The following BRMS1L variants were observed in gnomAD, a reference collection of about 807,000 sequenced individuals.
The protein encoded by BRMS1L is breast cancer metastasis-suppressor 1-like protein.
In BRMS1L, 23 loss-of-function variants were observed where a neutral mutation model predicts 50.3. The observed-to-expected ratio is 0.46, with a 90% CI of 0.33 to 0.65. The LOEUF is 0.65. BRMS1L is among the 30% of genes least tolerant of loss of function. The pLI, the probability that BRMS1L is intolerant of heterozygous loss-of-function variation, is 0.02. For missense variants in BRMS1L, 286 were observed against 386.1 expected, an observed-to-expected ratio of 0.74 and a Z score of 2.17; for synonymous variants, 114 against 126.9, an observed-to-expected ratio of 0.90 and a Z score of 0.69.
chr14:35,830,067 T>A (rs899050997), intron 1 of BRMS1L, among the ~76,000 whole-genome samples: 1 of 152,200 alleles, frequency 6.6e-6, no homozygotes, highest in African/African-American at 2.4e-5. Context: ...TTTTTCTTTT[T>A]CTTTTTTTTT....
chr14:35,848,827 A>G (rs766293863), intron 4 of BRMS1L, among the ~76,000 whole-genome samples: 1 of 152,114 alleles, frequency 6.6e-6, no homozygotes, highest in Non-Finnish European at 1.5e-5. Flanking sequence ...TTGTGTGTAT[A>G]TATATCAATT....
At chr14:35,858,075 C>T (rs1307086474) in intron 4 of BRMS1L, among the ~76,000 whole-genome samples, 1 of 151,352 alleles carries the variant, frequency 6.6e-6, no homozygotes, top group Non-Finnish European at 1.5e-5. Flanking sequence ...GATTTAAACT[C>T]CTGTCCAGTA....
intron 3 of BRMS1L, among the ~76,000 whole-genome samples, chr14:35,834,150 A>G (rs2077962265): frequency 6.6e-6 from 1 of 152,158 alleles, no homozygotes; most frequent in Non-Finnish European, 1.5e-5. Context: ...ATACAAAGAG[A>G]GATAATTACA....
chr14:35,835,712 G>T (rs2077983075), intron 4 of BRMS1L, among the ~76,000 whole-genome samples: 1 of 152,108 alleles, frequency 6.6e-6, no homozygotes, highest in Non-Finnish European at 1.5e-5. Context: ...GGGCATGGTG[G>T]CAGGTGGCTG....
chr14:35,856,614 G>GC, intron 4 of BRMS1L, among the ~76,000 whole-genome samples: 1 of 151,542 alleles, frequency 6.6e-6, no homozygotes, highest in African/African-American at 2.4e-5. Context: ...ATTTTTTTGG[G>GC]GGGGGGTTTG....
At chr14:35,865,369 C>T (rs1040638612) in intron 7 of BRMS1L, among the ~76,000 whole-genome samples, 2 of 152,152 alleles carry the variant, frequency 1.3e-5, no homozygotes, top group Non-Finnish European at 2.9e-5. Context: ...AACATTTGAA[C>T]CCTTATGTGT....
chr14:35,848,545 G>A (rs1447665136), intron 4 of BRMS1L, among the ~76,000 whole-genome samples: 1 of 152,022 alleles, frequency 6.6e-6, no homozygotes, highest in Non-Finnish European at 1.5e-5. Context: ...CTGCACAGTA[G>A]ATCTCCAGAG....
intron 4 of BRMS1L, among the ~76,000 whole-genome samples, chr14:35,853,585 GA>G (rs75689401): frequency 8.1e-4 from 112 of 138,226 alleles, no homozygotes; most frequent in African/African-American, 9.0e-4. Flanking sequence ...GGCTAATTAA[GA>G]AAAAAAAAAA....
At chr14:35,867,020 A>C (rs188324898) in intron 8 of BRMS1L, among the ~76,000 whole-genome samples, 9 of 152,236 alleles carry the variant, frequency 5.9e-5, no homozygotes, top group Admixed American at 5.2e-4. Context: ...CTAGAACCAT[A>C]TCTCTTTTGG....
intron 1 of BRMS1L, among the ~76,000 whole-genome samples, chr14:35,829,405 A>G (rs947471981): frequency 1.3e-5 from 2 of 152,214 alleles, no homozygotes; most frequent in African/African-American, 4.8e-5. Flanking sequence ...TTCCATCCCA[A>G]AAAATAATGA....
chr14:35,866,879 A>G (rs901917098), intron 8 of BRMS1L, among the ~76,000 whole-genome samples: 10 of 152,252 alleles, frequency 6.6e-5, no homozygotes, highest in Middle Eastern at 3.4e-3. Flanking sequence ...TCTCATTATC[A>G]TAGTTGAGTG....
rs72342569 is a variant in BRMS1L, at chr14:35,852,990, G to GTATCTATC, written c.442-9580_442-9573dup. 4.3e-3 allele frequency among the ~76,000 whole-genome samples: 642 copies of GTATCTATC among 148,836 alleles called. 2 individuals are homozygous for GTATCTATC. Among genetic ancestry groups the GTATCTATC allele is most frequent in the African/African-American group, 0.015 (609 of 39,824 alleles). ...TTCTATCAGTCTTTGCTTTATATCTGTATCTATCTATCTATCTATCTATCT... is the reference window on the plus strand; with the variant it reads ...TTCTATCAGTCTTTGCTTTATATCTGTATCTATCTATCTATCTATCTATCTATCTATCT... On this transcript the variant is annotated intron_variant, in intron 4 of 9. Transcript: ENST00000216807.
At chr14:35,844,087 G>C (rs2078100437) in intron 4 of BRMS1L, among the ~76,000 whole-genome samples, 2 of 152,230 alleles carry the variant, frequency 1.3e-5, no homozygotes, top group Admixed American at 1.3e-4. Flanking sequence ...TGCTGGCAGT[G>C]AGAATTTCAA....
chr14:35,826,847 C>T, intron 1 of BRMS1L, 189 bp downstream of exon 1: 1 of 818,524 alleles, frequency 1.2e-6, no homozygotes, highest in Non-Finnish European at 1.8e-6. Context: ...TGATGGGTCC[C>T]GGCGGCGGGG....
chr14:35,828,904 C>T (rs1267260769), intron 1 of BRMS1L, among the ~76,000 whole-genome samples: 3 of 151,438 alleles, frequency 2.0e-5, no homozygotes, highest in Non-Finnish European at 2.9e-5. Flanking sequence ...ATTTCAAAAG[C>T]GGGGAATATA....
chr14:35,856,611 T>TGCG (rs1555315092), intron 4 of BRMS1L, among the ~76,000 whole-genome samples: 1 of 149,414 alleles, frequency 6.7e-6, no homozygotes, highest in East Asian at 2.0e-4. Flanking sequence ...TACATTTTTT[T>TGCG]GGGGGGGGGT....
At chr14:35,833,191 T>C in intron 3 of BRMS1L, 86 bp downstream of exon 3, 1 of 1,347,550 alleles carries the variant, frequency 7.4e-7, no homozygotes, top group Non-Finnish European at 1.0e-6. Flanking sequence ...GTGTTTTATG[T>C]TGATGGGATT....
chr14:35,858,418 C>T (rs1010672356), intron 4 of BRMS1L, among the ~76,000 whole-genome samples: 2 of 152,156 alleles, frequency 1.3e-5, no homozygotes, highest in African/African-American at 4.8e-5. Flanking sequence ...CTTATTTTCT[C>T]CTTAAGTTTG....
At position 35,870,713 on chromosome 14, in the gene BRMS1L, T is replaced by C. The variant is rs2078480736; in HGVS notation, c.*236T>C. The C allele has an allele frequency of 4.1e-6, 1 of 242,034 alleles. No individual in the cohort carries two copies. The highest frequency in any genetic ancestry group is 8.6e-5 in the South Asian group (1 of 11,566). 15.0% of individuals were successfully genotyped at this position (242,034 alleles called of 1,614,324 possible). On this transcript the variant is annotated 3_prime_UTR_variant, in exon 10 of 10. Coordinates refer to ENST00000216807, the MANE Select transcript of BRMS1L (RefSeq NM_032352.4). Reference sequence around the variant, plus strand: ...CTTAGGTCCGATGACCAATAGGTATTCTGTATATGGTAGGGGTTTCTTTCT... The same window carrying C: ...CTTAGGTCCGATGACCAATAGGTATCCTGTATATGGTAGGGGTTTCTTTCT...
Sources: gnomAD v4.1 joint callset for allele counts (sites outside exome capture counted in the v4.1 genomes callset) on GRCh38, gnomAD v4.1.1 for gene constraint, MANE v1.5 for transcripts, NCBI Gene and HGNC (gene_info 2026-07-23, HGNC 2026-07-21) for gene names.